The following ZNF426 variants were observed in gnomAD, a reference collection of about 807,000 sequenced individuals.
ZNF426 encodes the protein zinc finger protein 426.
In ZNF426, 23 loss-of-function variants were observed where a neutral mutation model predicts 24.0. The ratio of observed to expected loss-of-function variants is 0.96; its 90% CI spans 0.69 to 1.36. The LOEUF is 1.36. ZNF426 is among the 40% of genes most tolerant of loss of function. The pLI, the probability that ZNF426 is intolerant of heterozygous loss-of-function variation, is 0.00. For missense variants in ZNF426, 646 were observed against 658.4 expected (o/e 0.98, Z 0.21); for synonymous variants, 272 against 224.6 (o/e 1.21, Z -1.89).
rs1054208704 is a variant in ZNF426 at position 9,523,797 on chromosome 19, A to AAAGTTGAG, written c.*4575_*4582dup. The AAAGTTGAG allele has an allele frequency of 1.3e-5, 2 of 152,296 alleles. No individual in the cohort carries two copies. Among genetic ancestry groups the AAAGTTGAG allele is most frequent in the Non-Finnish European group, 2.9e-5 (2 of 68,102 alleles). 9.4% of individuals were successfully genotyped at this position (152,296 alleles called of 1,614,324 possible). On this transcript the variant is annotated 3_prime_UTR_variant, in exon 8 of 8. Coordinates refer to ENST00000253115, the MANE Select transcript of ZNF426 (RefSeq NM_024106.3). ...TCTAATGCCACTGCTGATCTGACAG[A>AAAGTTGAG]AAGTTGAGCTCAGGCAGTAATGTTT...
rs2073923430 is a variant in ZNF426 at position 9,533,822 on chromosome 19, G to A, written c.244+18C>T. On this transcript the variant is annotated intron_variant, in intron 5 of 7. Coordinates refer to ENST00000253115, the MANE Select transcript of ZNF426 (RefSeq NM_024106.3). ...TATCAGTTCCATAGAAGGCTGCAAG[G>A]GATGAGGCCAGTCTTACCTACTGTG... is the stretch of plus-strand genomic sequence containing the variant. 1 of 1,613,760 alleles carries A rather than the reference G, an allele frequency of 6.2e-7. No homozygotes were observed. The highest frequency in any genetic ancestry group is 8.5e-7 in the Non-Finnish European group (1 of 1,179,802).
intron 2 of ZNF426, chr19:9,536,634 A>C (rs1478396079): frequency 7.7e-6 from 2 of 260,306 alleles, no homozygotes; most frequent in South Asian, 4.3e-5. Context: ...CACATAGAAA[A>C]AATAATCTCA....
At chr19:9,532,998 T>C in intron 5 of ZNF426, 73 bp from the exon 6 acceptor site, 2 of 1,253,206 alleles carry the variant, frequency 1.6e-6, no homozygotes, top group Non-Finnish European at 2.3e-6. Flanking sequence ...ATTCAGGAAC[T>C]ACAGATCTAA....
rs576967169 is a variant in ZNF426 at position 9,538,270 on chromosome 19, G to C, written c.-136C>G. The C allele has an allele frequency of 6.6e-6, 1 of 152,184 alleles. No individual in the cohort carries two copies. Among genetic ancestry groups the C allele is most frequent in the Non-Finnish European group, 1.5e-5 (1 of 68,030 alleles). The allele number at this position is 152,184 out of a possible 1,614,324, so 9.4% of individuals were successfully genotyped here. On this transcript the variant is annotated 5_prime_UTR_variant, in exon 2 of 8. Coordinates refer to ENST00000253115, the MANE Select transcript of ZNF426 (RefSeq NM_024106.3). ...CACCCAGTGCTCACCGGAACACTCAGAAATCGCCAGGTCCCTGAACCGGGA... is the reference window on the plus strand; with the variant it reads ...CACCCAGTGCTCACCGGAACACTCACAAATCGCCAGGTCCCTGAACCGGGA...
rs777306041 is a variant in ZNF426, at chr19:9,529,453, C to T, written c.592G>A (p.Glu198Lys). 1 of 1,613,944 alleles carries T rather than the reference C, an allele frequency of 6.2e-7. No individual in the cohort carries two copies. The highest frequency in any genetic ancestry group is 8.5e-7 in the Non-Finnish European group (1 of 1,179,972). The change falls in exon 8 of 8, where the codon GAG becomes AAG. Residue 198 changes from glutamate (E) to lysine (K), a missense_variant. By Grantham distance (56) the Glu-to-Lys change is moderately conservative. Transcript: ENST00000253115. ...AAGATTTTTTCACTCTGATTAAACT[C>T]AGAAAGTTTCTCACCAGTAGAGGTT... ...EKTSTGEKLS[E>K]FNQSEKIFSL...
rs751157233 is a variant in ZNF426 at position 9,529,476 on chromosome 19, G to T, written c.569C>A (p.Thr190Asn). 6.2e-7 allele frequency: 1 copy of T among 1,614,004 alleles called. No individual in the cohort carries two copies. The highest frequency in any genetic ancestry group is 1.7e-5 in the Admixed American group (1 of 60,010). ...GKDFLTLCEKTSTGEKLSEFN... is the reference protein window; with the variant it reads ...GKDFLTLCEKNSTGEKLSEFN... ...CTCAGAAAGTTTCTCACCAGTAGAG[G>T]TTTTCTCACACAGGGTAAGGAAATC... The change falls in exon 8 of 8, where the codon ACC becomes AAC. Residue 190 changes from threonine (T) to asparagine (N), a missense_variant. Coordinates refer to ENST00000253115, the MANE Select transcript of ZNF426 (RefSeq NM_024106.3).
intron 5 of ZNF426, among the ~76,000 whole-genome samples, chr19:9,533,182 A>G (rs1310281903): frequency 2.6e-5 from 4 of 152,178 alleles, no homozygotes; most frequent in Admixed American, 2.6e-4. Context: ...GTGGTGGCTC[A>G]TGCCTGTAAT....
At chr19:9,529,685 CA>C in intron 7 of ZNF426, 49 bp from the exon 8 acceptor site, 1 of 1,499,390 alleles carries the variant, frequency 6.7e-7, no homozygotes, top group East Asian at 2.3e-5. Flanking sequence ...AACATATTAA[CA>C]GAACATACCC....
At chr19:9,537,397 C>T (rs1480052591) in intron 2 of ZNF426, among the ~76,000 whole-genome samples, 1 of 151,810 alleles carries the variant, frequency 6.6e-6, no homozygotes. Flanking sequence ...GGTCCTAGGG[C>T]TGACTAGGCC....
rs747448662 is a variant in ZNF426 at position 9,528,904 on chromosome 19, G to A, written c.1141C>T (p.Gln381Ter). 1 of 1,613,680 alleles carries A rather than the reference G, an allele frequency of 6.2e-7. No homozygotes were observed. The highest frequency in any genetic ancestry group is 1.7e-5 in the Admixed American group (1 of 59,962). Reference protein sequence around the residue: ...KSFLTSSRLIQHIRTHTGEKP... With the variant: ...KSFLTSSRLI ...TCTCCAGTGTGAGTTCTTATATGTT[G>A]AATAAGGCGTGAGGATGTAAGGAAG... The change falls in exon 8 of 8, where the codon CAA (glutamine) becomes TAA (stop). Residue 381 changes from glutamine (Q) to a stop codon, truncating the protein, a stop_gained. Coordinates refer to ENST00000253115, the MANE Select transcript of ZNF426 (RefSeq NM_024106.3). LOFTEE classifies it low-confidence loss of function (END_TRUNC).
At chr19:9,533,101 C>T (rs938783071) in intron 5 of ZNF426, among the ~76,000 whole-genome samples, 176 bp from the exon 6 acceptor site, 11 of 152,160 alleles carry the variant, frequency 7.2e-5, no homozygotes, top group Non-Finnish European at 7.3e-5. Flanking sequence ...TCCCCTAAAC[C>T]GAAATTCAGG....
chr19:9,535,904 C>A (rs900944406), intron 3 of ZNF426, among the ~76,000 whole-genome samples: 5 of 151,824 alleles, frequency 3.3e-5, no homozygotes, highest in Non-Finnish European at 5.9e-5. Flanking sequence ...CCAGAGCAGT[C>A]CTAAACGTGA....
At position 9,528,175 on chromosome 19, in the gene ZNF426, A is replaced by G. The variant is rs1185831446; in HGVS notation, c.*205T>C. 3.9e-6 allele frequency: 2 copies of G among 507,554 alleles called. No individual in the cohort carries two copies. The highest frequency in any genetic ancestry group is 6.8e-6 in the Non-Finnish European group (2 of 295,026). 31.4% of individuals were successfully genotyped at this position (507,554 alleles called of 1,614,324 possible). On this transcript the variant is annotated 3_prime_UTR_variant, in exon 8 of 8. Coordinates refer to ENST00000253115, the MANE Select transcript of ZNF426 (RefSeq NM_024106.3). ...TAAATTTTTTGTATTTTCAGTAGAG[A>G]CAAGGTTTCACCATGTTGGCCAGGG...
chr19:9,529,223 G>C lies in ZNF426; in HGVS notation c.822C>G (p.Leu274=), dbSNP rs757955745. 6 of 1,613,884 alleles carry C rather than the reference G, an allele frequency of 3.7e-6. No individual in the cohort carries two copies. Among genetic ancestry groups the C allele is most frequent in the Non-Finnish European group, 5.1e-6 (6 of 1,179,942 alleles). ...STSLSVLIET[L]NAKKPYKCKE... ...TACATTTGTAGGGCTTTTTTGCATT[G>C]AGGGTTTCTATAAGCACAGAAAGGC... The change falls in exon 8 of 8, where the codon CTC becomes CTG. Residue 274 remains leucine (L), a synonymous_variant. Coordinates refer to ENST00000253115, the MANE Select transcript of ZNF426 (RefSeq NM_024106.3).
At position 9,529,026 on chromosome 19, in the gene ZNF426, T is replaced by C. The variant is rs1159204655; in HGVS notation, c.1019A>G (p.Glu340Gly). 16 of 1,613,722 alleles carry C rather than the reference T, an allele frequency of 9.9e-6. No homozygotes were observed. The highest frequency in any genetic ancestry group is 1.3e-5 in the Non-Finnish European group (15 of 1,179,810). The change falls in exon 8 of 8, where the codon GAA becomes GGA. Residue 340 changes from glutamate to glycine, a missense_variant. Physicochemically the swap from Glu to Gly is moderately conservative, Grantham distance 98. Coordinates refer to ENST00000253115, the MANE Select transcript of ZNF426 (RefSeq NM_024106.3). ...GTACTGAGTGAAGGCTTTCCCACATTCCTTACATACATAGGGTTTCTCTCC... is the reference window on the plus strand; with the variant it reads ...GTACTGAGTGAAGGCTTTCCCACATCCCTTACATACATAGGGTTTCTCTCC... The part of the protein sequence containing the change: ...HTGEKPYVCK[E>G]CGKAFTQYSG...
rs1302630551 is a variant in ZNF426 at position 9,528,590 on chromosome 19, G to A, written c.1455C>T (p.Phe485=). ...GTATTTGAAATGAACTGGAATGACT[G>A]AAGGCCTTTCCACATTGTTTACACT... The part of the protein sequence containing the change: ...PYECKQCGKA[F]SHSSSFQIHE... Residue 485 remains phenylalanine, a synonymous_variant, in exon 8 of 8, where the codon TTC becomes TTT. Coordinates refer to ENST00000253115, the MANE Select transcript of ZNF426 (RefSeq NM_024106.3). 1.2e-6 allele frequency: 2 copies of A among 1,613,898 alleles called. No individual in the cohort carries two copies. The highest frequency in any genetic ancestry group is 2.2e-5 in the East Asian group (1 of 44,862).
chr19:9,528,483 A>G lies in ZNF426; in HGVS notation c.1562T>C (p.Ile521Thr). 6.2e-7 allele frequency: 1 copy of G among 1,614,038 alleles called. No homozygotes were observed. The highest frequency in any genetic ancestry group is 8.5e-7 in the Non-Finnish European group (1 of 1,179,998). ...KAFTCSSSFR[I>T]HEKTHTEEKP... is the part of the protein sequence containing the mutation. ...CTCTTCTGTGTGAGTTTTTTCATGAATTCTAAAGGAACTGGAACACGTGAA... is the reference window on the plus strand; with the variant it reads ...CTCTTCTGTGTGAGTTTTTTCATGAGTTCTAAAGGAACTGGAACACGTGAA... Residue 521 changes from isoleucine (I) to threonine (T), a missense_variant, in exon 8 of 8, where the codon ATT becomes ACT. Coordinates refer to ENST00000253115, the MANE Select transcript of ZNF426 (RefSeq NM_024106.3).
chr19:9,532,819 CAG>C (rs2073906469), intron 6 of ZNF426, 24 bp downstream of exon 6: 4 of 1,567,550 alleles, frequency 2.6e-6, no homozygotes, highest in Non-Finnish European at 2.6e-6. Flanking sequence ...TCTCATCAAC[CAG>C]AGTTGTTCTT....
rs183844327 is a variant in ZNF426 at position 9,530,289 on chromosome 19, T to C, written c.409-653A>G. Among the ~76,000 whole-genome samples the C allele has an allele frequency of 2.1e-3, 320 of 151,834 alleles. 1 individual carries two copies. The highest frequency in any genetic ancestry group is 3.4e-3 in the Middle Eastern group (1 of 294). On this transcript the variant is annotated intron_variant, in intron 7 of 7. Coordinates refer to ENST00000253115, the MANE Select transcript of ZNF426 (RefSeq NM_024106.3). The stretch of plus-strand genomic sequence containing the variant: ...GCAACATGGCAAAACTCCATCTCTA[T>C]AAAAAATATCAAAAAATTAGCTGGG...
Sources: gnomAD v4.1 joint callset for allele counts (sites outside exome capture counted in the v4.1 genomes callset) on GRCh38, gnomAD v4.1.1 for gene constraint, MANE v1.5 for transcripts, NCBI Gene and HGNC (gene_info 2026-07-23, HGNC 2026-07-21) for gene names.